TINF2: variants seen among roughly 807,000 people sequenced by gnomAD.
TINF2 encodes TERF1 interacting nuclear factor 2.
A neutral mutation model predicts 50.4 loss-of-function variants in TINF2; 27 were observed. The observed-to-expected ratio is 0.54, with a 90% CI of 0.40 to 0.74. The LOEUF (loss-of-function observed/expected upper bound fraction) is 0.74. Among genes scored for constraint, TINF2 ranks in the 30% least tolerant of loss-of-function variants. The pLI is 0.00. For synonymous variants in TINF2, 223 were observed against 214.6 expected (o/e 1.04, Z -0.34); for missense variants, 496 against 551.5 (o/e 0.90, Z 1.01).
At position 24,241,523 on chromosome 14, in the gene TINF2, A is replaced by G. The variant is rs1037616062; in HGVS notation, c.399+152T>C. The G allele has an allele frequency of 6.2e-6, 5 of 809,744 alleles. No homozygotes were observed. The Admixed American group carries it at 6.3e-5, about 10-fold the overall frequency. The allele number at this position is 809,744 out of a possible 1,614,324, so 50.2% of individuals were successfully genotyped here. A position where few individuals can be genotyped will look rare whatever the true frequency, so the allele number is the denominator to read the frequency against. On this transcript the variant is annotated intron_variant, in intron 3 of 8. Transcript: ENST00000267415. ...TCCCAGCTACTCGGGAGGCTGAGGC[A>G]GGAGAATCGCTTGAACCCGGGAGGC...
rs1334044756 is a variant in TINF2, at chr14:24,242,188, C to CAA, written c.144_145insTT (p.Val49LeufsTer14). ...AGGCGTTCGTGGTGCCGGTAGCGAA[C>CAA]CAAGCCAGGGGCAACAGCGCGCAGA... is the stretch of plus-strand genomic sequence containing the variant. On this transcript the variant is annotated frameshift_variant, in exon 1 of 9. Coordinates refer to ENST00000267415, the MANE Select transcript of TINF2 (RefSeq NM_001099274.3). LOFTEE classifies it high-confidence loss of function. The CAA allele has an allele frequency of 1.2e-6, 2 of 1,614,154 alleles. No homozygotes were observed. Among genetic ancestry groups the CAA allele is most frequent in the African/African-American group, 2.7e-5 (2 of 74,956 alleles).
rs2040603415 is a variant in TINF2 at position 24,242,500 on chromosome 14, ATTCTGGGGGAGGGGGTC to A, written c.-185_-169del. 2.1e-6 allele frequency: 3 copies of A among 1,431,136 alleles called. No individual in the cohort carries two copies. The highest frequency in any genetic ancestry group is 1.4e-5 in the African/African-American group (1 of 69,452). 88.7% of individuals were successfully genotyped at this position (1,431,136 alleles called of 1,614,324 possible). The stretch of plus-strand genomic sequence containing the variant: ...CGGCTCCCTTCCATCGGCCCCCAGA[ATTCTGGGGGAGGGGGTC>A]TTCTGGCTCGGGCTGGAGGAGCCTG... On this transcript the variant is annotated 5_prime_UTR_variant, in exon 1 of 9. Coordinates refer to ENST00000267415, the MANE Select transcript of TINF2 (RefSeq NM_001099274.3).
At position 24,241,791 on chromosome 14, in the gene TINF2, G is replaced by A. The variant is rs756494726; in HGVS notation, c.298-15C>T. 6.2e-6 allele frequency: 10 copies of A among 1,613,522 alleles called. No homozygotes were observed. The African/African-American group carries it at 1.3e-4, about 22-fold the overall frequency. On this transcript the variant is annotated splice_polypyrimidine_tract_variant and intron_variant, in intron 2 of 8. Coordinates refer to ENST00000267415, the MANE Select transcript of TINF2 (RefSeq NM_001099274.3). ...TCCTGCTTTGTCTGTTGAGGATACA[G>A]AAGACAGAGAAGTTAGCACCAACAT...
In TINF2 at chr14:24,242,616, G is replaced by T; in HGVS notation, c.-284C>A. ...ACGTCGCCGCTGTCTCGAGCCCGAG[G>T]GTGCCTCACTTCCGGCTCCGCTACT... On this transcript the variant is annotated 5_prime_UTR_variant, in exon 1 of 9. Coordinates refer to ENST00000267415, the MANE Select transcript of TINF2 (RefSeq NM_001099274.3). 2 of 1,273,510 alleles carry T rather than the reference G, an allele frequency of 1.6e-6. No homozygotes were observed. Among genetic ancestry groups the T allele is most frequent in the Non-Finnish European group, 2.0e-6 (2 of 1,005,266 alleles). 78.9% of individuals were successfully genotyped at this position (1,273,510 alleles called of 1,614,324 possible).
intron 3 of TINF2, 117 bp from the exon 4 acceptor site, chr14:24,241,428 G>A (rs1345964539): frequency 8.7e-6 from 9 of 1,036,316 alleles, no homozygotes; most frequent in East Asian, 2.4e-5. Context: ...TCAGGAGTTC[G>A]AGACCAGCCT....
In TINF2 at chr14:24,241,179, C is replaced by T. The variant is rs577455869; in HGVS notation, c.507+25G>A. 6.2e-6 allele frequency: 10 copies of T among 1,614,174 alleles called. No individual in the cohort carries two copies. The East Asian group carries it at 2.2e-4, about 36-fold the overall frequency. ...TGAAACAGCCACCCCACACTCTGCC[C>T]TTACATGTTTTGCCCCAGCGAAACC... On this transcript the variant is annotated intron_variant, in intron 4 of 8. Coordinates refer to ENST00000267415, the MANE Select transcript of TINF2 (RefSeq NM_001099274.3).
rs2040558059 is a variant in TINF2, at chr14:24,240,742, T to C, written c.738A>G (p.Ser246=). Residue 246 remains serine (S), a synonymous_variant, in exon 6 of 9, where the codon TCA becomes TCG. Coordinates refer to ENST00000267415, the MANE Select transcript of TINF2 (RefSeq NM_001099274.3). ...PGTHLPQGPS[S]RTHPEPLAGR... is the part of the protein sequence containing the mutation. ...CAGCTAGAGGTTCTGGGTGCGTCCT[T>C]GAAGATGGTCCCTGAGGAAGATGTG... 1 of 1,613,256 alleles carries C rather than the reference T, an allele frequency of 6.2e-7. No individual in the cohort carries two copies. Among genetic ancestry groups the C allele is most frequent in the Admixed American group, 1.7e-5 (1 of 59,874 alleles).
chr14:24,240,692 A>C lies in TINF2; in HGVS notation c.788T>G (p.Leu263Arg). 6.2e-7 allele frequency: 1 copy of C among 1,613,974 alleles called. No homozygotes were observed. Among genetic ancestry groups the C allele is most frequent in the Non-Finnish European group, 8.5e-7 (1 of 1,179,942 alleles). Residue 263 changes from leucine to arginine, a missense_variant, in exon 6 of 9, where the codon CTA (leucine) becomes CGA (arginine). Leu to Arg is a moderately radical substitution (Grantham distance 102). Coordinates refer to ENST00000267415, the MANE Select transcript of TINF2 (RefSeq NM_001099274.3). ...LAGRHFNLAP[L>R]GRRRVQSQWA... ...TTGGGACTGAACTCTTCGTCGGCCT[A>C]GAGGGGCCAGATTGAAGTGTCGGCC... is the stretch of plus-strand genomic sequence containing the variant.
rs1326035157 is a variant in TINF2 at position 24,240,837 on chromosome 14, T to G, written c.643A>C (p.Met215Leu). Residue 215 changes from methionine to leucine, a missense_variant, in exon 6 of 9, where the codon ATG becomes CTG. Transcript: ENST00000267415. ...TGTTGCTGAGGAGGATTCTGTTCCA[T>G]GGGCTCAGCCAGGTTCACTGAGTCA... The part of the protein sequence containing the change: ...VTDSVNLAEP[M>L]EQNPPQQQRL... 1 of 1,613,898 alleles carries G rather than the reference T, an allele frequency of 6.2e-7. No homozygotes were observed. Among genetic ancestry groups the G allele is most frequent in the African/African-American group, 1.3e-5 (1 of 74,912 alleles).
chr14:24,241,958 C>T lies in TINF2; in HGVS notation c.229G>A (p.Ala77Thr). 1 of 1,614,190 alleles carries T rather than the reference C, an allele frequency of 6.2e-7. No individual in the cohort carries two copies. Among genetic ancestry groups the T allele is most frequent in the Non-Finnish European group, 8.5e-7 (1 of 1,180,026 alleles). ...VELILQGRPWAQVLKALNHHF... is the reference protein window; with the variant it reads ...VELILQGRPWTQVLKALNHHF... ...TGATTCAGGGCTTTCAGGACTTGGG[C>T]CCAAGGCCGGCCCTGCAGGATCAGC... Residue 77 changes from alanine (A) to threonine (T), a missense_variant, in exon 2 of 9, where the codon GCC becomes ACC. Ala to Thr is a moderately conservative substitution (Grantham distance 58). Around this residue, in one of 3 missense-constraint regions of TINF2, gnomAD observed 314 missense variants for 343.8 expected, o/e 0.91. Transcript: ENST00000267415.
In TINF2 at chr14:24,241,660, T is replaced by C. The variant is rs2040582262; in HGVS notation, c.399+15A>G. The C allele has an allele frequency of 6.3e-7, 1 of 1,599,292 alleles. No homozygotes were observed. The highest frequency in any genetic ancestry group is 1.3e-5 in the African/African-American group (1 of 74,446). On this transcript the variant is annotated intron_variant, in intron 3 of 8. Coordinates refer to ENST00000267415, the MANE Select transcript of TINF2 (RefSeq NM_001099274.3). ...AGAGAAAATAGCCACATAATAGCCT[T>C]CAAACCAGTCTCACCTGCAGCTTCG...
upstream of TINF2, chr14:24,242,635 C>G: frequency 8.1e-7 from 1 of 1,231,006 alleles, no homozygotes; most frequent in Non-Finnish European, 1.0e-6. Flanking sequence ...CTTCCGGCTC[C>G]GCTACTAGCT....
In TINF2 at chr14:24,240,652, C is replaced by T; in HGVS notation, c.828G>A (p.Arg276=). 6 of 1,614,134 alleles carry T rather than the reference C, an allele frequency of 3.7e-6. No individual in the cohort carries two copies. Among genetic ancestry groups the T allele is most frequent in the Non-Finnish European group, 5.1e-6 (6 of 1,180,016 alleles). The change falls in exon 6 of 9, where the codon AGG becomes AGA. Residue 276 remains arginine, a synonymous_variant. Transcript: ENST00000267415. ...CTGTGGGGCGCTCCTTATGGCCTCCCCTAGTGGAGGCCCATTGGGACTGAA... is the reference window on the plus strand; with the variant it reads ...CTGTGGGGCGCTCCTTATGGCCTCCTCTAGTGGAGGCCCATTGGGACTGAA... ...RRVQSQWAST[R]GGHKERPTVM...
At position 24,240,481 on chromosome 14, in the gene TINF2, C is replaced by G; in HGVS notation, c.999G>C (p.Gln333His). ...CCTTCAGAGCCCTTCCCCCCAGGGT[C>G]TGGCATGGACTCTTAGACTTCCCAG... The part of the protein sequence containing the change: ...ASTGKSKSPC[Q>H]TLGGRALKEN... Residue 333 changes from glutamine to histidine, a missense_variant, in exon 6 of 9, where the codon CAG becomes CAC. This residue lies in a region of TINF2 where 179 missense variants were observed against 188.3 expected (regional missense o/e 0.95). Transcript: ENST00000267415. 6.2e-7 allele frequency: 1 copy of G among 1,614,216 alleles called. No individual in the cohort carries two copies. Among genetic ancestry groups the G allele is most frequent in the Non-Finnish European group, 8.5e-7 (1 of 1,180,028 alleles).
Position 24,242,338 on chromosome 14 carries a change from G to A in TINF2, c.-6C>T, listed in dbSNP as rs771187821. ...GCCACCAGGGGCGTAGCCATGGTCG[G>A]CGGGCTCCGCCCGGAGGCGGTCCCT... On this transcript the variant is annotated 5_prime_UTR_variant, in exon 1 of 9. Coordinates refer to ENST00000267415, the MANE Select transcript of TINF2 (RefSeq NM_001099274.3). 9.9e-6 allele frequency: 16 copies of A among 1,610,664 alleles called. No homozygotes were observed. Among genetic ancestry groups the A allele is most frequent in the Non-Finnish European group, 1.4e-5 (16 of 1,178,744 alleles).
In TINF2 at chr14:24,240,801, G is replaced by C; in HGVS notation, c.679C>G (p.Leu227Val). The change falls in exon 6 of 9, where the codon CTC (leucine) becomes GTC (valine). Residue 227 changes from leucine (L) to valine (V), a missense_variant. Physicochemically the swap from Leu to Val is conservative, Grantham distance 32. Around this residue, in one of 3 missense-constraint regions of TINF2, gnomAD observed 314 missense variants for 343.8 expected, o/e 0.91. Transcript: ENST00000267415. ...QNPPQQQRLA[L>V]HNPLPKAKPG... Reference sequence around the variant, plus strand: ...TTGGCTTTTGGCAGGGGATTGTGGAGTGCTAGTCTTTGTTGCTGAGGAGGA... The same window carrying C: ...TTGGCTTTTGGCAGGGGATTGTGGACTGCTAGTCTTTGTTGCTGAGGAGGA... 6.2e-7 allele frequency: 1 copy of C among 1,614,038 alleles called. No individual in the cohort carries two copies. Among genetic ancestry groups the C allele is most frequent in the Non-Finnish European group, 8.5e-7 (1 of 1,180,026 alleles).
intron 2 of TINF2, 53 bp from the exon 3 acceptor site, chr14:24,241,829 A>G: frequency 1.2e-6 from 2 of 1,612,704 alleles, no homozygotes; most frequent in South Asian, 2.2e-5. Context: ...AGTAGACAGG[A>G]GGAGCAACTT....
intron 3 of TINF2, 168 bp downstream of exon 3, chr14:24,241,507 C>G (rs888569810): frequency 1.3e-6 from 1 of 796,664 alleles, no homozygotes; most frequent in African/African-American, 1.7e-5. Context: ...ATCCCAGCTA[C>G]TCGGGAGGCT....
Position 24,239,868 on chromosome 14 carries a change from G to A in TINF2, c.1285C>T (p.Leu429=), listed in dbSNP as rs780647966. ...DTLIPTLCEY[L]PPSGHGAIPV... The stretch of plus-strand genomic sequence containing the variant: ...ATGGCACCGTGGCCAGAAGGGGGTA[G>A]GTATTCACAGAGAGTGGGTATCAAG... Residue 429 remains leucine (L), a synonymous_variant, in exon 9 of 9, where the codon CTA becomes TTA. Coordinates refer to ENST00000267415, the MANE Select transcript of TINF2 (RefSeq NM_001099274.3). 3.7e-5 allele frequency: 59 copies of A among 1,614,062 alleles called. No homozygotes were observed. The highest frequency in any genetic ancestry group is 4.9e-5 in the Non-Finnish European group (58 of 1,180,036).
Sources: allele counts gnomAD v4.1 joint callset, GRCh38; gene constraint gnomAD v4.1.1; regional missense constraint gnomAD v4.1.1; transcripts MANE v1.5; gene names NCBI Gene and HGNC (gene_info 2026-07-23, HGNC 2026-07-21).